Variants in HCN1 observed in about 807,000 individuals in gnomAD.
HCN1 encodes potassium/sodium hyperpolarization-activated cyclic nucleotide-gated channel 1.
A neutral mutation model predicts 78.9 loss-of-function variants in HCN1; 13 were observed. The observed-to-expected ratio is 0.16, with a 90% CI of 0.11 to 0.26. The LOEUF is 0.26. HCN1 is among the 10% of genes least tolerant of loss of function. HCN1 has a pLI of 1.00. For missense variants in HCN1, 810 were observed against 1,154.3 expected (o/e 0.70, Z 4.32); for synonymous variants, 552 against 455.5 (o/e 1.21, Z -2.70).
At chr5:45,665,304 G>C (rs13189510) in intron 1 of HCN1, among the ~76,000 whole-genome samples, 1 of 119,910 alleles carries the variant, frequency 8.3e-6, no homozygotes, top group Non-Finnish European at 1.7e-5. Flanking sequence ...GTTGTGGGGT[G>C]GGGGGAGGGG....
rs141310558 is a variant in HCN1 at position 45,538,099 on chromosome 5, T to A, written c.850-76092A>T. On this transcript the variant is annotated intron_variant, in intron 2 of 7. Transcript: ENST00000303230. ...GAAAGGGGTGCAAAATCATTATTAA[T>A]GCCACTAACTGATTTCTAAAGTATT... Among the ~76,000 whole-genome samples the A allele has an allele frequency of 1.8e-3, 268 of 152,090 alleles. 1 individual carries two copies. Among genetic ancestry groups the A allele is most frequent in the African/African-American group, 6.2e-3 (257 of 41,508 alleles).
At chr5:45,370,702 G>A (rs1204493181) in intron 4 of HCN1, among the ~76,000 whole-genome samples, 1 of 151,814 alleles carries the variant, frequency 6.6e-6, no homozygotes, top group African/African-American at 2.4e-5. Flanking sequence ...ATGCCATAAG[G>A]CCACAGAGCT....
At chr5:45,619,005 T>C (rs1005182559) in intron 2 of HCN1, among the ~76,000 whole-genome samples, 4 of 152,080 alleles carry the variant, frequency 2.6e-5, no homozygotes, top group African/African-American at 7.2e-5. Context: ...GTAATTACTA[T>C]TTTAGTAGTA....
rs1309648495 is a variant in HCN1, at chr5:45,258,093, TAAC to T, written c.*3825_*3827del. On this transcript the variant is annotated 3_prime_UTR_variant, in exon 8 of 8. Transcript: ENST00000303230. Reference sequence around the variant, plus strand: ...GGAGAGATATCTCATTCAAACAGGTTAACATTATAAACAGTGCAAGTGAGGGCC... The same window carrying T: ...GGAGAGATATCTCATTCAAACAGGTTATTATAAACAGTGCAAGTGAGGGCC... 6.6e-6 allele frequency: 1 copy of T among 152,112 alleles called. No individual in the cohort carries two copies. The highest frequency in any genetic ancestry group is 6.5e-5 in the Admixed American group (1 of 15,272). The allele number at this position is 152,112 out of a possible 1,614,324, so 9.4% of individuals were successfully genotyped here.
At chr5:45,470,557 C>T (rs1741370442) in intron 2 of HCN1, among the ~76,000 whole-genome samples, 1 of 151,802 alleles carries the variant, frequency 6.6e-6, no homozygotes, top group Admixed American at 6.6e-5. Context: ...CATAATGCTC[C>T]ACCAATTCAG....
chr5:45,672,567 T>TAAA (rs1312900071), intron 1 of HCN1, among the ~76,000 whole-genome samples: 1 of 130,392 alleles, frequency 7.7e-6, no homozygotes. Context: ...GCGAATTAAG[T>TAAA]AAAAAAAAAA....
At position 45,295,674 on chromosome 5, in the gene HCN1, C is replaced by A. The variant is rs1185835411; in HGVS notation, c.1618+7925G>T. On this transcript the variant is annotated intron_variant, in intron 6 of 7. Coordinates refer to ENST00000303230, the MANE Select transcript of HCN1 (RefSeq NM_021072.4). Reference sequence around the variant, plus strand: ...CTCCTTAGCTTACTATTCTGCCCTCCATTTTGTTGGGGTTTAATGTTTGGT... The same window carrying A: ...CTCCTTAGCTTACTATTCTGCCCTCAATTTTGTTGGGGTTTAATGTTTGGT... Among the ~76,000 whole-genome samples the A allele has an allele frequency of 2.6e-5, 4 of 151,900 alleles. 1 individual carries two copies. Among genetic ancestry groups the A allele is most frequent in the Admixed American group, 2.6e-4 (4 of 15,222 alleles).
At chr5:45,499,031 CT>C (rs371123491) in intron 2 of HCN1, among the ~76,000 whole-genome samples, 6 of 152,094 alleles carry the variant, frequency 3.9e-5, no homozygotes, top group Non-Finnish European at 5.9e-5. Context: ...TTACTGCTGT[CT>C]TTTTTTGTCT....
At chr5:45,372,196 T>C (rs1747405714) in intron 4 of HCN1, among the ~76,000 whole-genome samples, 2 of 61,656 alleles carry the variant, frequency 3.2e-5, no homozygotes, top group South Asian at 1.0e-3. Flanking sequence ...ATACAATTAA[T>C]ATAATACATA....
chr5:45,576,903 T>C, intron 2 of HCN1, among the ~76,000 whole-genome samples: 1 of 152,038 alleles, frequency 6.6e-6, no homozygotes, highest in East Asian at 1.9e-4. Context: ...CTGAACCTAA[T>C]CTTTTATTTT....
At chr5:45,405,776 C>T (rs952658139) in intron 3 of HCN1, among the ~76,000 whole-genome samples, 1 of 151,956 alleles carries the variant, frequency 6.6e-6, no homozygotes, top group East Asian at 1.9e-4. Context: ...AACCTTTTGC[C>T]TTATAAGAGG....
chr5:45,256,247 C>G lies in HCN1; in HGVS notation c.*5674G>C, dbSNP rs1003751948. The stretch of plus-strand genomic sequence containing the variant: ...ATTTAGCTAGCCATGGTGGCGGGCA[C>G]CTGTAATCCCAGCTACTCTGGAGGC... On this transcript the variant is annotated 3_prime_UTR_variant, in exon 8 of 8. Coordinates refer to ENST00000303230, the MANE Select transcript of HCN1 (RefSeq NM_021072.4). The G allele has an allele frequency of 2.0e-5, 3 of 151,888 alleles. No homozygotes were observed. The highest frequency in any genetic ancestry group is 6.6e-5 in the Admixed American group (1 of 15,238). 9.4% of individuals were successfully genotyped at this position (151,888 alleles called of 1,614,324 possible). A position where few individuals can be genotyped will look rare whatever the true frequency, so the allele number is the denominator to read the frequency against.
At chr5:45,432,277 G>A (rs1439450254) in intron 3 of HCN1, among the ~76,000 whole-genome samples, 3 of 152,116 alleles carry the variant, frequency 2.0e-5, no homozygotes, top group African/African-American at 7.2e-5. Context: ...TTTGTACACT[G>A]ATTTTGTATC....
chr5:45,476,919 T>C (rs1741529699), intron 2 of HCN1, among the ~76,000 whole-genome samples: 1 of 152,124 alleles, frequency 6.6e-6, no homozygotes, highest in African/African-American at 2.4e-5. Flanking sequence ...AAAGGATTAA[T>C]AAATAATTGT....
chr5:45,296,910 C>T (rs1444052022), intron 6 of HCN1, among the ~76,000 whole-genome samples: 1 of 151,912 alleles, frequency 6.6e-6, no homozygotes, highest in African/African-American at 2.4e-5. Flanking sequence ...AACTATCTAA[C>T]CTAAATAACT....
chr5:45,454,408 C>A (rs1225884300), intron 3 of HCN1, among the ~76,000 whole-genome samples: 1 of 151,210 alleles, frequency 6.6e-6, no homozygotes, highest in Non-Finnish European at 1.5e-5. Flanking sequence ...CTCATAGGAG[C>A]TACGAAGGCA....
At chr5:45,433,384 A>G (rs1417995200) in intron 3 of HCN1, among the ~76,000 whole-genome samples, 1 of 151,990 alleles carries the variant, frequency 6.6e-6, no homozygotes, top group Non-Finnish European at 1.5e-5. Context: ...ATCGGAAATT[A>G]TAATAGCAAT....
At chr5:45,340,971 G>C (rs1194955787) in intron 5 of HCN1, among the ~76,000 whole-genome samples, 3 of 152,116 alleles carry the variant, frequency 2.0e-5, no homozygotes, top group Admixed American at 1.3e-4. Context: ...TAAAGTTTTA[G>C]TAAAAAATCC....
intron 2 of HCN1, among the ~76,000 whole-genome samples, chr5:45,529,758 G>T (rs1277134251): frequency 6.6e-6 from 1 of 152,022 alleles, no homozygotes; most frequent in Non-Finnish European, 1.5e-5. Context: ...AATCACTTTT[G>T]ATGTTTCATT....
Sources: allele counts gnomAD v4.1 joint callset (sites outside exome capture counted in the v4.1 genomes callset), GRCh38; gene constraint gnomAD v4.1.1; transcripts MANE v1.5; gene names NCBI Gene and HGNC (gene_info 2026-07-23, HGNC 2026-07-21).